CACNA1E: variants seen among roughly 807,000 people sequenced by gnomAD.
The protein encoded by CACNA1E is calcium voltage-gated channel subunit alpha1 E.
In CACNA1E, 40 loss-of-function variants were observed where a neutral mutation model predicts 259.2. The observed-to-expected ratio is 0.15, with a 90% CI of 0.12 to 0.20. The LOEUF (loss-of-function observed/expected upper bound fraction) is 0.20, where lower values mean the gene tolerates loss of function less well. CACNA1E is among the 10% of genes least tolerant of loss of function. The pLI is 1.00. For missense variants in CACNA1E, 1,874 were observed against 3,040.1 expected, an observed-to-expected ratio of 0.62 and a Z score of 9.02; for synonymous variants, 1,104 against 1,138.5, an observed-to-expected ratio of 0.97 and a Z score of 0.61.
rs116291222 is a variant in CACNA1E at position 181,362,600 on chromosome 1, C to T, written c.-15+44477C>T. Among the ~76,000 whole-genome samples the T allele has an allele frequency of 6.6e-3, 1,012 of 152,302 alleles. 16 individuals are homozygous for T. Among genetic ancestry groups the T allele is most frequent in the African/African-American group, 0.022 (922 of 41,562 alleles). On this transcript the variant is annotated intron_variant, in intron 1 of 11. Coordinates refer to the CACNA1E transcript ENST00000524607. ...ATGATGAATGTGAAAATACTGTGAG[C>T]TCTGTAAAATGCTGTAAGGGATTAT...
chr1:181,645,704 G>A (rs573416467), intron 6 of CACNA1E, among the ~76,000 whole-genome samples: 1 of 152,316 alleles, frequency 6.6e-6, no homozygotes, highest in African/African-American at 2.4e-5. Context: ...AGTTACATTT[G>A]TGTGCTCACT....
chr1:181,660,157 G>A (rs1039362018), intron 7 of CACNA1E, among the ~76,000 whole-genome samples: 17 of 152,224 alleles, frequency 1.1e-4, no homozygotes, highest in Non-Finnish European at 2.2e-4. Context: ...AGTGTCCATA[G>A]TAGAGGAGGA....
intron 7 of CACNA1E, among the ~76,000 whole-genome samples, chr1:181,662,663 G>A (rs1647803965): frequency 6.6e-6 from 1 of 152,180 alleles, no homozygotes; most frequent in Admixed American, 6.5e-5. Flanking sequence ...AATGTTAGCT[G>A]TTAGTAGCAG....
chr1:181,765,510 C>G (rs1297012114), intron 34 of CACNA1E, among the ~76,000 whole-genome samples: 1 of 152,194 alleles, frequency 6.6e-6, no homozygotes, highest in East Asian at 1.9e-4. Flanking sequence ...TTCTCCCACC[C>G]ACTTTCAGTT....
intron 3 of CACNA1E, among the ~76,000 whole-genome samples, chr1:181,534,105 A>G (rs1424366402): frequency 1.3e-5 from 2 of 152,132 alleles, no homozygotes; most frequent in African/African-American, 2.4e-5. Flanking sequence ...AATGACAGTA[A>G]TAGAAGGCTG....
intron 7 of CACNA1E, among the ~76,000 whole-genome samples, chr1:181,685,974 G>A (rs113907990): frequency 9.1e-4 from 139 of 152,134 alleles, no homozygotes; most frequent in African/African-American, 3.3e-3. Flanking sequence ...AGAGTGCTTG[G>A]GCTAGAAAGG....
intron 6 of CACNA1E, among the ~76,000 whole-genome samples, chr1:181,638,584 G>A (rs913989330): frequency 1.3e-5 from 2 of 152,116 alleles, no homozygotes; most frequent in African/African-American, 4.8e-5. Flanking sequence ...GGGTTGTGTT[G>A]TTATTGTTGC....
At chr1:181,707,883 C>G (rs934356286) in intron 7 of CACNA1E, among the ~76,000 whole-genome samples, 1 of 152,012 alleles carries the variant, frequency 6.6e-6, no homozygotes, top group Admixed American at 6.6e-5. Context: ...GCAAAAAGCT[C>G]ACATAGAAGG....
At chr1:181,446,885 C>T (rs1410274968) in intron 2 of CACNA1E, among the ~76,000 whole-genome samples, 1 of 151,922 alleles carries the variant, frequency 6.6e-6, no homozygotes, top group Non-Finnish European at 1.5e-5. Context: ...TGGTTTGTTT[C>T]CTATCTTTAA....
At chr1:181,575,239 T>C (rs1650853310) in intron 3 of CACNA1E, among the ~76,000 whole-genome samples, 1 of 152,172 alleles carries the variant, frequency 6.6e-6, no homozygotes, top group African/African-American at 2.4e-5. Flanking sequence ...GGCCACAGGC[T>C]GCATGGCCCT....
rs902283866 is a variant in CACNA1E, at chr1:181,593,153, C to T, written c.951+12377C>T. ...GTATACGAAAGTGCTTTGAAAAAGACGTTCAGCCCTCACTATATGAGTGTA... is the reference window on the plus strand; with the variant it reads ...GTATACGAAAGTGCTTTGAAAAAGATGTTCAGCCCTCACTATATGAGTGTA... On this transcript the variant is annotated intron_variant, in intron 6 of 47. Coordinates refer to ENST00000367573, the MANE Select transcript of CACNA1E (RefSeq NM_001205293.3). Among the ~76,000 whole-genome samples, 17 of 152,294 alleles carry T rather than the reference C, an allele frequency of 1.1e-4. No individual in the cohort carries two copies. In the South Asian group the frequency reaches 2.9e-3, roughly 26 times the overall value.
intron 2 of CACNA1E, among the ~76,000 whole-genome samples, chr1:181,469,575 G>A (rs547652894): frequency 1.1e-4 from 16 of 152,286 alleles, no homozygotes; most frequent in South Asian, 2.1e-4. Flanking sequence ...AAACAGAGCC[G>A]AAGATAAAGG....
chr1:181,325,875 C>T (rs1296900855), intron 1 of CACNA1E, among the ~76,000 whole-genome samples: 3 of 152,156 alleles, frequency 2.0e-5, no homozygotes, highest in East Asian at 3.9e-4. Context: ...GTGAGGCCGG[C>T]GCTCCCCTCC....
intron 1 of CACNA1E, among the ~76,000 whole-genome samples, chr1:181,397,268 A>C (rs887864932): frequency 6.6e-5 from 10 of 152,122 alleles, no homozygotes; most frequent in African/African-American, 1.2e-4. Flanking sequence ...TCACCACAAT[A>C]ATGGTGGATG....
intron 2 of CACNA1E, among the ~76,000 whole-genome samples, chr1:181,478,478 C>A (rs1396245668): frequency 6.6e-6 from 1 of 152,236 alleles, no homozygotes; most frequent in Non-Finnish European, 1.5e-5. Flanking sequence ...TGGTCTCCTG[C>A]CAACTTTTTT....
chr1:181,364,009 A>G (rs1399219458), intron 1 of CACNA1E, among the ~76,000 whole-genome samples: 2 of 152,208 alleles, frequency 1.3e-5, no homozygotes, highest in East Asian at 3.9e-4. Context: ...GATGAAACCA[A>G]CAGTGATATT....
rs1651323816 is a variant in CACNA1E at position 181,692,950 on chromosome 1, GC to G, written c.1056-18003del. Among the ~76,000 whole-genome samples, 3 of 151,444 alleles carry G rather than the reference GC, an allele frequency of 2.0e-5. No homozygotes were observed. In the South Asian group the frequency reaches 6.3e-4, roughly 32 times the overall value. On this transcript the variant is annotated intron_variant, in intron 7 of 47. Coordinates refer to ENST00000367573, the MANE Select transcript of CACNA1E (RefSeq NM_001205293.3). Reference sequence around the variant, plus strand: ...TCTAGGAACATAAACAATTCAACAAGCAAAAAACAAACAACCCCATTAAAAA... The same window carrying G: ...TCTAGGAACATAAACAATTCAACAAGAAAAAACAAACAACCCCATTAAAAA...
chr1:181,704,185 C>A (rs187259199), intron 7 of CACNA1E, among the ~76,000 whole-genome samples: 1 of 152,264 alleles, frequency 6.6e-6, no homozygotes, highest in African/African-American at 2.4e-5. Flanking sequence ...GCATAAACAA[C>A]TTTAATACTG....
At chr1:181,790,712 A>G (rs1185004663) in intron 44 of CACNA1E, among the ~76,000 whole-genome samples, 156 bp downstream of exon 44, 2 of 152,190 alleles carry the variant, frequency 1.3e-5, no homozygotes, top group African/African-American at 4.8e-5. Context: ...TTTCTAGCCC[A>G]GTTTCTCATG....
Sources: allele counts gnomAD v4.1 joint callset (sites outside exome capture counted in the v4.1 genomes callset), GRCh38; gene constraint gnomAD v4.1.1; transcripts MANE v1.5; gene names NCBI Gene and HGNC (gene_info 2026-07-23, HGNC 2026-07-21).